KLF8: variants seen among roughly 807,000 people sequenced by gnomAD.
KLF8 encodes the protein Krueppel-like factor 8.
Under a neutral mutation model 18.2 loss-of-function variants are expected in KLF8, and 10 were observed. That is an observed-to-expected ratio of 0.55 (90% CI 0.34 to 0.93). The LOEUF (loss-of-function observed/expected upper bound fraction) is 0.93, where lower values mean the gene tolerates loss of function less well. KLF8 is among the 40% of genes least tolerant of loss of function. KLF8 has a pLI of 0.02. For synonymous variants in KLF8, 109 were observed against 97.3 expected (o/e 1.12, Z -0.71); for missense variants, 264 against 277.9 (o/e 0.95, Z 0.36).
At chrX:56,087,800 G>A in the KLF8 span, among the ~76,000 whole-genome samples, 7 of 111,334 alleles carry the variant, frequency 6.3e-5, no homozygotes, top group Admixed American at 1.9e-4. Context: ...ACTCTCAGAG[G>A]CTGATTATTT....
the KLF8 span, among the ~76,000 whole-genome samples, chrX:56,114,000 C>G: frequency 1.2e-4 from 14 of 112,003 alleles, no homozygotes; most frequent in Admixed American, 4.7e-4. Context: ...CTGCGGCTGG[C>G]CCTACCCCCA....
At chrX:56,194,218 C>G in the KLF8 span, among the ~76,000 whole-genome samples, 1 of 111,077 alleles carries the variant, frequency 9.0e-6, no homozygotes, top group Admixed American at 9.6e-5. Context: ...ACTGGTTGGA[C>G]AGAGGGTACA....
the KLF8 span, among the ~76,000 whole-genome samples, chrX:56,011,659 A>G: frequency 2.7e-5 from 3 of 111,803 alleles, no homozygotes; most frequent in African/African-American, 9.7e-5. Flanking sequence ...AAAAAAATTC[A>G]ATGAATCCAG....
chrX:56,206,623 G>C, the KLF8 span, among the ~76,000 whole-genome samples: 1 of 112,477 alleles, frequency 8.9e-6, no homozygotes, highest in Non-Finnish European at 1.9e-5. Flanking sequence ...GGGCATCCCT[G>C]CCACTGTGGC....
the KLF8 span, among the ~76,000 whole-genome samples, chrX:55,919,118 G>A: frequency 3.9e-4 from 44 of 111,978 alleles, no homozygotes; most frequent in Non-Finnish European, 6.4e-4. Context: ...CTTCATCTGC[G>A]TAAGGAAGGA....
chrX:56,137,305 C>T, the KLF8 span, among the ~76,000 whole-genome samples: 4 of 108,386 alleles, frequency 3.7e-5, no homozygotes, highest in Non-Finnish European at 7.7e-5. Context: ...CACATGCACA[C>T]GTATGTTTAT....
At chrX:56,117,462 T>C in the KLF8 span, among the ~76,000 whole-genome samples, 3 of 110,964 alleles carry the variant, frequency 2.7e-5, no homozygotes, top group African/African-American at 9.8e-5. Context: ...GAATATATAG[T>C]CTACCCTGGC....
chrX:56,131,711 A>C, the KLF8 span, among the ~76,000 whole-genome samples: 1 of 112,078 alleles, frequency 8.9e-6, no homozygotes, highest in Admixed American at 9.5e-5. Flanking sequence ...TAAGAATTCA[A>C]CAACCAAGTA....
the KLF8 span, among the ~76,000 whole-genome samples, chrX:55,923,705 C>CGT: frequency 0.047 from 4,625 of 98,223 alleles, 97 homozygotes; most frequent in Middle Eastern, 0.071. Context: ...TAAAGATCCA[C>CGT]GTGTGTGTGT....
At chrX:55,922,595 T>C in the KLF8 span, among the ~76,000 whole-genome samples, 1 of 112,251 alleles carries the variant, frequency 8.9e-6, no homozygotes, top group East Asian at 2.8e-4. Context: ...CTGCACGTCC[T>C]GCACACATAT....
At chrX:56,190,517 C>G in the KLF8 span, among the ~76,000 whole-genome samples, 1 of 111,281 alleles carries the variant, frequency 9.0e-6, no homozygotes, top group Non-Finnish European at 1.9e-5. Context: ...TCCAATGTCT[C>G]TAGAATAAAT....
chrX:56,118,942 G>A, the KLF8 span, among the ~76,000 whole-genome samples: 6 of 111,496 alleles, frequency 5.4e-5, no homozygotes, highest in Non-Finnish European at 1.1e-4. Context: ...GTTGGGAGGA[G>A]GAAGGGCAGG....
At chrX:56,104,217 G>C in the KLF8 span, among the ~76,000 whole-genome samples, 8,666 of 111,206 alleles carry the variant, frequency 0.078, 812 homozygotes, top group African/African-American at 0.27. Flanking sequence ...TCAGGATGAT[G>C]CTGGCCTCAT....
At chrX:56,163,624 G>T in the KLF8 span, among the ~76,000 whole-genome samples, 1 of 111,735 alleles carries the variant, frequency 8.9e-6, no homozygotes, top group Non-Finnish European at 1.9e-5. Context: ...TTTTTGATTT[G>T]TTGCAGTTGC....
chrX:56,273,397 G>T (rs904743385), intron 5 of KLF8, among the ~76,000 whole-genome samples: 3 of 109,845 alleles, frequency 2.7e-5, no homozygotes, highest in African/African-American at 1.0e-4. Flanking sequence ...TGAAGCTGTT[G>T]TGCTATCAAA....
At chrX:56,048,141 G>T in the KLF8 span, among the ~76,000 whole-genome samples, 1 of 111,137 alleles carries the variant, frequency 9.0e-6, no homozygotes, top group African/African-American at 3.3e-5. Context: ...AAATTTGTTT[G>T]AGTTCATTGT....
chrX:56,243,491 A>T, intron 1 of KLF8: 1 of 131,808 alleles, frequency 7.6e-6, no homozygotes. Flanking sequence ...GGGTACCTCA[A>T]GTCACTCTCC....
the KLF8 span, among the ~76,000 whole-genome samples, chrX:56,028,107 G>A: frequency 8.9e-6 from 1 of 112,154 alleles, no homozygotes; most frequent in Admixed American, 9.4e-5. Flanking sequence ...CACAGTTTGA[G>A]TTAAAACTCC....
chrX:56,172,220 T>A, the KLF8 span, among the ~76,000 whole-genome samples: 32 of 110,980 alleles, frequency 2.9e-4, no homozygotes, highest in Non-Finnish European at 3.8e-5. Flanking sequence ...ACATGTCATT[T>A]AACATTAGGT....
Sources: gnomAD v4.1 joint callset for allele counts (sites outside exome capture counted in the v4.1 genomes callset) on GRCh38, gnomAD v4.1.1 for gene constraint, MANE v1.5 for transcripts, NCBI Gene and HGNC (gene_info 2026-07-23, HGNC 2026-07-21) for gene names.